Variants in SEPTIN2 observed in about 807,000 individuals in gnomAD.
The protein encoded by SEPTIN2 is septin 2.
Under a neutral mutation model 46.5 loss-of-function variants are expected in SEPTIN2, and 34 were observed. The observed-to-expected ratio is 0.73, with a 90% CI of 0.56 to 0.97. The LOEUF is 0.97. SEPTIN2 is among the 50% of genes least tolerant of loss of function. The pLI is 0.00. For missense variants in SEPTIN2, 347 were observed against 448.4 expected (o/e 0.77, Z 2.04); for synonymous variants, 175 against 153.4 (o/e 1.14, Z -1.04).
intron 7 of SEPTIN2, among the ~76,000 whole-genome samples, 171 bp from the exon 8 acceptor site, chr2:241,342,821 C>T (rs186385533): frequency 6.6e-6 from 1 of 152,274 alleles, no homozygotes; most frequent in African/African-American, 2.4e-5. Flanking sequence ...CAGACGTGAG[C>T]CACCACACCC....
intron 7 of SEPTIN2, among the ~76,000 whole-genome samples, chr2:241,338,732 A>ATTATAT (rs2080566365): frequency 1.2e-5 from 1 of 83,402 alleles, no homozygotes; most frequent in South Asian, 3.6e-4. Flanking sequence ...TATTATATAT[A>ATTATAT]TTATATTATT....
chr2:241,338,727 T>TTTATATGTA (rs1486577856), intron 7 of SEPTIN2, among the ~76,000 whole-genome samples: 2 of 111,536 alleles, frequency 1.8e-5, no homozygotes, highest in Non-Finnish European at 3.5e-5. Context: ...TAATATATTA[T>TTTATATGTA]ATATATTATA....
intron 3 of SEPTIN2, among the ~76,000 whole-genome samples, chr2:241,329,079 G>T (rs865902713): frequency 6.6e-6 from 1 of 152,078 alleles, no homozygotes; most frequent in African/African-American, 2.4e-5. Context: ...GCGGGGAGTA[G>T]AAGTAATGTA....
rs1399084557 is a variant in SEPTIN2, at chr2:241,326,106, G to C, written c.123G>C (p.Met41Ile). The change falls in exon 3 of 13, where the codon ATG becomes ATC. Residue 41 changes from methionine to isoleucine, a missense_variant. Physicochemically the swap from Met to Ile is conservative, Grantham distance 10. Transcript: ENST00000391971. Reference sequence around the variant, plus strand: ...AAAAAGGTTTTGAGTTCACACTGATGGTGGTCGGTAAGAAATTAATCTATA... The same window carrying C: ...AAAAAGGTTTTGAGTTCACACTGATCGTGGTCGGTAAGAAATTAATCTATA... The part of the protein sequence containing the change: ...SVKKGFEFTL[M>I]VVGESGLGKS... 6.2e-7 allele frequency: 1 copy of C among 1,611,626 alleles called. No homozygotes were observed. The highest frequency in any genetic ancestry group is 1.3e-5 in the African/African-American group (1 of 74,792).
chr2:241,335,235 G>GT lies in SEPTIN2; in HGVS notation c.217+24dup, dbSNP rs752244604. 6 of 1,607,330 alleles carry GT rather than the reference G, an allele frequency of 3.7e-6. No individual in the cohort carries two copies. The African/African-American group carries it at 8.0e-5, about 21-fold the overall frequency. On this transcript the variant is annotated intron_variant, in intron 4 of 12. Transcript: ENST00000391971. ...CAGGTAAAAACATTCTTATGTTACT[G>GT]TAAGTGTAATTCTACATGAAAGATG... is the stretch of plus-strand genomic sequence containing the variant.
At chr2:241,344,396 T>G (rs576556298) in intron 9 of SEPTIN2, among the ~76,000 whole-genome samples, 2 of 152,320 alleles carry the variant, frequency 1.3e-5, no homozygotes, top group Non-Finnish European at 2.9e-5. Context: ...AAAAATAGTC[T>G]TCTTTAAAAA....
chr2:241,338,802 C>CATATTATATTTATATTATTTATAATAT (rs2080649087), intron 7 of SEPTIN2, among the ~76,000 whole-genome samples: 1 of 81,260 alleles, frequency 1.2e-5, no homozygotes, highest in Non-Finnish European at 2.1e-5. Context: ...ATATATAATA[C>CATATTATATTTATATTATTTATAATAT]ATATTATATT....
At chr2:241,334,802 A>G (rs2079645761) in intron 3 of SEPTIN2, among the ~76,000 whole-genome samples, 1 of 152,234 alleles carries the variant, frequency 6.6e-6, no homozygotes, top group Admixed American at 6.5e-5. Context: ...CTATTTGTCA[A>G]AAATAAAAAC....
Position 241,337,456 on chromosome 2 carries a change from G to A in SEPTIN2, c.416G>A (p.Arg139Gln). The A allele has an allele frequency of 2.5e-6, 4 of 1,613,866 alleles. No homozygotes were observed. The highest frequency in any genetic ancestry group is 2.2e-5 in the South Asian group (2 of 91,060). The change falls in exon 6 of 13, where the codon CGG (arginine) becomes CAG (glutamine). Residue 139 changes from arginine to glutamine, a missense_variant. Physicochemically the swap from Arg to Gln is conservative, Grantham distance 43. Coordinates refer to ENST00000391971, the MANE Select transcript of SEPTIN2 (RefSeq NM_004404.5). Reference protein sequence around the residue: ...YLHDESGLNRRHIIDNRVHCC... With the variant: ...YLHDESGLNRQHIIDNRVHCC... The stretch of plus-strand genomic sequence containing the variant: ...CATGACGAGAGCGGCTTGAACAGGC[G>A]GCACATCATTGATAATAGGGTGCAT...
chr2:241,316,920 G>A lies in SEPTIN2; in HGVS notation c.-18+938G>A, dbSNP rs114947719. 3.3e-3 allele frequency: 593 copies of A among 177,260 alleles called. 6 individuals are homozygous for A. Among genetic ancestry groups the A allele is most frequent in the African/African-American group, 0.013 (561 of 42,454 alleles). 11.0% of individuals were successfully genotyped at this position (177,260 alleles called of 1,614,324 possible). On this transcript the variant is annotated intron_variant, in intron 1 of 12. Transcript: ENST00000391971. ...CCCAAATTAGATTTCCTCCAGACAGGCTTAGGTGTTTACCTGATGTTCCAG... is the reference window on the plus strand; with the variant it reads ...CCCAAATTAGATTTCCTCCAGACAGACTTAGGTGTTTACCTGATGTTCCAG...
chr2:241,345,106 T>C (rs957747342), intron 9 of SEPTIN2, among the ~76,000 whole-genome samples: 3 of 151,870 alleles, frequency 2.0e-5, no homozygotes, highest in Non-Finnish European at 4.4e-5. Flanking sequence ...AGAGCAAGAC[T>C]TCATCTCAAA....
At chr2:241,339,430 A>G (rs999642563) in intron 7 of SEPTIN2, among the ~76,000 whole-genome samples, 2 of 152,096 alleles carry the variant, frequency 1.3e-5, no homozygotes, top group Non-Finnish European at 2.9e-5. Flanking sequence ...TGTTAAGTAT[A>G]TATCCTTCTA....
chr2:241,334,509 A>G (rs2079574144), intron 3 of SEPTIN2, among the ~76,000 whole-genome samples: 2 of 152,220 alleles, frequency 1.3e-5, no homozygotes, highest in African/African-American at 2.4e-5. Flanking sequence ...GTGTGAACTC[A>G]ACAAAGTGAG....
intron 7 of SEPTIN2, among the ~76,000 whole-genome samples, chr2:241,339,716 G>A (rs1461903094): frequency 6.6e-6 from 1 of 152,106 alleles, no homozygotes; most frequent in Non-Finnish European, 1.5e-5. Context: ...GCTTTTGCTA[G>A]TGATACCCTC....
intron 11 of SEPTIN2, among the ~76,000 whole-genome samples, chr2:241,349,386 ATATATATATG>A (rs1184264822): frequency 6.8e-6 from 1 of 147,574 alleles, no homozygotes; most frequent in Non-Finnish European, 1.5e-5. Flanking sequence ...AAAAAAAAAT[ATATATATATG>A]TATATGTATG....
chr2:241,323,097 G>C (rs2077389369), intron 1 of SEPTIN2, among the ~76,000 whole-genome samples: 1 of 151,420 alleles, frequency 6.6e-6, no homozygotes, highest in African/African-American at 2.4e-5. Context: ...TTGAATTTTT[G>C]GCTTCAAGCA....
chr2:241,320,266 C>A (rs1215245608), intron 1 of SEPTIN2: 1 of 471,170 alleles, frequency 2.1e-6, no homozygotes, highest in Non-Finnish European at 4.4e-6. Flanking sequence ...ACTCTAACGT[C>A]AAGTCTTGGT....
chr2:241,316,501 C>T, intron 1 of SEPTIN2: 3 of 1,523,450 alleles, frequency 2.0e-6, no homozygotes, highest in Non-Finnish European at 2.6e-6. Context: ...AGCGACTAGG[C>T]CCTGTCTGCG....
intron 2 of SEPTIN2, among the ~76,000 whole-genome samples, 196 bp from the exon 3 acceptor site, chr2:241,325,797 A>T (rs1363115195): frequency 6.6e-6 from 1 of 152,152 alleles, no homozygotes; most frequent in Non-Finnish European, 1.5e-5. Context: ...TATACTAGAT[A>T]AGTTTTTCTT....
Sources: allele counts gnomAD v4.1 joint callset (sites outside exome capture counted in the v4.1 genomes callset), GRCh38; gene constraint gnomAD v4.1.1; transcripts MANE v1.5; gene names NCBI Gene and HGNC (gene_info 2026-07-23, HGNC 2026-07-21).